FBXO24: variants seen among roughly 807,000 people sequenced by gnomAD.
The protein encoded by FBXO24 is F-box only protein 24.
FBXO24 carries 30 observed loss-of-function variants against 63.5 expected under a neutral mutation model. The ratio of observed to expected loss-of-function variants is 0.47; its 90% CI spans 0.35 to 0.64. The LOEUF is 0.64. Among genes scored for constraint, FBXO24 ranks in the 30% least tolerant of loss-of-function variants. The pLI is 0.00. For synonymous variants in FBXO24, 300 were observed against 305.0 expected, an observed-to-expected ratio of 0.98 and a Z score of 0.17; for missense variants, 624 against 763.4, an observed-to-expected ratio of 0.82 and a Z score of 2.15.
rs532385113 is a variant in FBXO24, at chr7:100,587,951, G to A, written c.39+1287G>A. Among the ~76,000 whole-genome samples, 5 of 152,014 alleles carry A rather than the reference G, an allele frequency of 3.3e-5. No individual in the cohort carries two copies. In the South Asian group the frequency reaches 1.0e-3, roughly 32 times the overall value. ...CAGAGTCGCTCTGTTGCCCAGGCTG[G>A]AGTGCAGTGGCTTGATCGCAGCTCA... On this transcript the variant is annotated intron_variant, in intron 1 of 9. Transcript: ENST00000241071.
Position 100,594,359 on chromosome 7 carries a change from A to G in FBXO24, c.794-24A>G. 3 of 1,609,628 alleles carry G rather than the reference A, an allele frequency of 1.9e-6. No homozygotes were observed. The highest frequency in any genetic ancestry group is 2.5e-6 in the Non-Finnish European group (3 of 1,178,122). On this transcript the variant is annotated intron_variant, in intron 5 of 9. Transcript: ENST00000241071. This position sits in a 1 kb window ranked among gnomAD's most constrained non-coding sequence, Gnocchi z 4.2. ...TGGATATTGGAGAATCCCCTCCCCA[A>G]CTAATTGCTTCCCCTACCCCCAGAG...
rs1449812694 is a variant in FBXO24 at position 100,586,447 on chromosome 7, C to CA, written c.-178dup. 8.4e-5 allele frequency: 57 copies of CA among 679,270 alleles called. No homozygotes were observed. Among genetic ancestry groups the CA allele is most frequent in the Non-Finnish European group, 1.0e-4 (40 of 386,728 alleles). The allele number at this position is 679,270 out of a possible 1,614,324, so 42.1% of individuals were successfully genotyped here. A position where few individuals can be genotyped will look rare whatever the true frequency, so the allele number is the denominator to read the frequency against. Reference sequence around the variant, plus strand: ...TCCAACCAAGAGGAGGGGACACCGGCACTCCACTAGCAGGAAAACGGGCCG... The same window carrying CA: ...TCCAACCAAGAGGAGGGGACACCGGCAACTCCACTAGCAGGAAAACGGGCCG... On this transcript the variant is annotated 5_prime_UTR_variant, in exon 1 of 10. It removes the in-frame stop codon of an upstream open reading frame in the 5' UTR. Coordinates refer to ENST00000241071, the MANE Select transcript of FBXO24 (RefSeq NM_033506.3).
At chr7:100,589,901 G>A in intron 1 of FBXO24, 76 bp from the exon 2 acceptor site, 1 of 1,567,104 alleles carries the variant, frequency 6.4e-7, no homozygotes, top group Non-Finnish European at 8.7e-7. Flanking sequence ...AGTCAGATGA[G>A]CCCCAAGGTA....
intron 3 of FBXO24, among the ~76,000 whole-genome samples, chr7:100,591,007 T>G (rs2131263188): frequency 6.6e-6 from 1 of 151,794 alleles, no homozygotes; most frequent in Non-Finnish European, 1.5e-5. Flanking sequence ...TTTCTGTCTC[T>G]TCTCTTTTCT....
chr7:100,591,102 A>G (rs889549143), intron 3 of FBXO24, among the ~76,000 whole-genome samples: 2 of 142,198 alleles, frequency 1.4e-5, no homozygotes, highest in African/African-American at 5.3e-5. Flanking sequence ...CAGTGGTGCA[A>G]TCTTGGCTCA....
In FBXO24 at chr7:100,600,864, G is replaced by A. The variant is rs767662232; in HGVS notation, c.1708G>A (p.Gly570Arg). ...LDMLQRAEGGGGGVGPPAPET is the reference protein window; with the variant it reads ...LDMLQRAEGGRGGVGPPAPET ...CATGCTGCAGAGGGCTGAAGGAGGCGGGGGTGGTGTAGGGCCCCCAGCCCC... is the reference window on the plus strand; with the variant it reads ...CATGCTGCAGAGGGCTGAAGGAGGCAGGGGTGGTGTAGGGCCCCCAGCCCC... The change falls in exon 10 of 10, where the codon GGG becomes AGG. Residue 570 changes from glycine to arginine, a missense_variant. Around this residue, in one of 3 missense-constraint regions of FBXO24, gnomAD observed 216 missense variants for 245.2 expected, o/e 0.88. Transcript: ENST00000241071. The surrounding 1 kb of genome is among the most constrained non-coding windows in gnomAD (Gnocchi z 6.3). 6.2e-6 allele frequency: 10 copies of A among 1,613,646 alleles called. No individual in the cohort carries two copies. Among genetic ancestry groups the A allele is most frequent in the South Asian group, 4.4e-5 (4 of 91,086 alleles).
Position 100,590,221 on chromosome 7 carries a change from C to A in FBXO24, c.186C>A (p.Leu62=). The change falls in exon 3 of 10, where the codon CTC becomes CTA. Residue 62 remains leucine (L), a synonymous_variant. Coordinates refer to ENST00000241071, the MANE Select transcript of FBXO24 (RefSeq NM_033506.3). ...SFLPVRDLVA[L]GQTCRYFHEV... ...TCCCAGTCAGAGACCTTGTTGCCCT[C>A]GGCCAGACCTGCCGCTACTTCCACG... 6.2e-7 allele frequency: 1 copy of A among 1,614,064 alleles called. No homozygotes were observed.
intron 4 of FBXO24, chr7:100,592,125 G>C (rs1723221737): frequency 1.3e-5 from 6 of 466,940 alleles, no homozygotes; most frequent in Admixed American, 7.0e-5. Flanking sequence ...TGGGTGTGGT[G>C]GTGGGTGCCT....
At chr7:100,589,879 G>C (rs1048100829) in intron 1 of FBXO24, 98 bp from the exon 2 acceptor site, 2 of 1,551,824 alleles carry the variant, frequency 1.3e-6, no homozygotes, top group Non-Finnish European at 1.7e-6. Flanking sequence ...GGAAATAACT[G>C]TGCCCAGCTA....
intron 4 of FBXO24, among the ~76,000 whole-genome samples, 162 bp from the exon 5 acceptor site, chr7:100,592,621 T>A (rs1356621440): frequency 2.0e-5 from 3 of 152,104 alleles, no homozygotes; most frequent in Admixed American, 2.0e-4. Flanking sequence ...TCTTGAGGTG[T>A]CTTTCCTATG....
chr7:100,596,491 T>C (rs1369953230), intron 8 of FBXO24, among the ~76,000 whole-genome samples: 1 of 150,054 alleles, frequency 6.7e-6, no homozygotes, highest in Non-Finnish European at 1.5e-5. Context: ...CTTAGAGAGG[T>C]GTAGATTTGG....
intron 8 of FBXO24, among the ~76,000 whole-genome samples, chr7:100,599,149 G>A (rs1046469458): frequency 4.6e-5 from 7 of 152,192 alleles, no homozygotes; most frequent in African/African-American, 1.4e-4. Flanking sequence ...AACTACTCAG[G>A]AGGCTGAGGC....
chr7:100,589,687 G>A, intron 1 of FBXO24: 1 of 1,541,376 alleles, frequency 6.5e-7, no homozygotes, highest in Non-Finnish European at 8.8e-7. Flanking sequence ...GGGCCTAGGA[G>A]ACAGGAGGGC....
rs977531071 is a variant in FBXO24, at chr7:100,600,798, CT to C, written c.1643del (p.Leu548ArgfsTer26). 5.0e-6 allele frequency: 8 copies of C among 1,614,004 alleles called. No homozygotes were observed. In the African/African-American group the frequency reaches 1.1e-4, roughly 22 times the overall value. On this transcript the variant is annotated frameshift_variant, in exon 10 of 10. Transcript: ENST00000241071. LOFTEE classifies it high-confidence loss of function. The surrounding 1 kb of genome is among the most constrained non-coding windows in gnomAD (Gnocchi z 6.3). ...GAAGGAGATCGTAGGGTGGATGCCCCTGATGGCCGCACAGAAGGACTTCTTC... is the reference window on the plus strand; with the variant it reads ...GAAGGAGATCGTAGGGTGGATGCCCCGATGGCCGCACAGAAGGACTTCTTC... ...KMKEIVGWMPLMAAQKDFFWE... is the reference protein window; with the variant it reads ...KMKEIVGWMPXMAAQKDFFWE...
chr7:100,600,718 A>G lies in FBXO24; in HGVS notation c.1562A>G (p.Glu521Gly), dbSNP rs760674969. The part of the protein sequence containing the change: ...DPGGMAQACE[E>G]YLSQIHSCQT... Reference sequence around the variant, plus strand: ...GGGGGGATGGCCCAGGCCTGCGAGGAGTACCTCAGCCAGATCCACAGTTGC... The same window carrying G: ...GGGGGGATGGCCCAGGCCTGCGAGGGGTACCTCAGCCAGATCCACAGTTGC... The change falls in exon 10 of 10, where the codon GAG becomes GGG. Residue 521 changes from glutamate (E) to glycine (G), a missense_variant. By Grantham distance (98) the Glu-to-Gly change is moderately conservative. Around this residue, in one of 3 missense-constraint regions of FBXO24, gnomAD observed 216 missense variants for 245.2 expected, o/e 0.88. Transcript: ENST00000241071. This position sits in a 1 kb window ranked among gnomAD's most constrained non-coding sequence, Gnocchi z 6.3. 3 of 1,614,196 alleles carry G rather than the reference A, an allele frequency of 1.9e-6. No individual in the cohort carries two copies. The South Asian group carries it at 3.3e-5, about 18-fold the overall frequency.
chr7:100,599,038 T>C (rs913084040), intron 8 of FBXO24, among the ~76,000 whole-genome samples: 2 of 150,986 alleles, frequency 1.3e-5, no homozygotes, highest in Middle Eastern at 6.9e-3. Flanking sequence ...GAGATCACCA[T>C]GAGCAACATA....
chr7:100,595,821 T>G, intron 8 of FBXO24, 115 bp downstream of exon 8: 7 of 1,421,512 alleles, frequency 4.9e-6, no homozygotes, highest in Non-Finnish European at 6.6e-6. Flanking sequence ...CTTTGGGAAG[T>G]TAAGCCACTC....
In FBXO24 at chr7:100,589,969, T is replaced by G; in HGVS notation, c.40-8T>G. 6.2e-7 allele frequency: 1 copy of G among 1,611,548 alleles called. No individual in the cohort carries two copies. The highest frequency in any genetic ancestry group is 2.2e-5 in the East Asian group (1 of 44,858). The stretch of plus-strand genomic sequence containing the variant: ...CTCATGGGACCCTATGCACCCCTTC[T>G]TGGGTAGGTGAAGAGAAGCTGCCCT... On this transcript the variant is annotated splice_polypyrimidine_tract_variant and splice_region_variant and intron_variant, in intron 1 of 9. Transcript: ENST00000241071.
At chr7:100,592,683 C>G in intron 4 of FBXO24, 100 bp from the exon 5 acceptor site, 2 of 913,092 alleles carry the variant, frequency 2.2e-6, no homozygotes, top group Non-Finnish European at 3.4e-6. Context: ...TTTCCCAACT[C>G]TGGACCCAAG....
Sources: allele counts gnomAD v4.1 joint callset (sites outside exome capture counted in the v4.1 genomes callset), GRCh38; gene constraint gnomAD v4.1.1; regional missense constraint gnomAD v4.1.1; non-coding constraint Gnocchi (gnomAD v3.1); transcripts MANE v1.5; gene names NCBI Gene and HGNC (gene_info 2026-07-23, HGNC 2026-07-21).